PATJ: variants seen among roughly 807,000 people sequenced by gnomAD.
The protein encoded by PATJ is inaD-like protein.
In PATJ, 190 loss-of-function variants were observed where a neutral mutation model predicts 224.9. The observed-to-expected ratio is 0.84, with a 90% confidence interval of 0.75 to 0.95. The LOEUF (loss-of-function observed/expected upper bound fraction) is 0.95. Ranked by LOEUF, PATJ falls within the 40% of genes least tolerant of loss-of-function variation. The probability of loss-of-function intolerance (pLI) is 0.00; values close to 1 mark genes in which losing one functional copy is unlikely to be tolerated. For missense variants in PATJ, 2,121 were observed against 2,270.3 expected (o/e 0.93, Z 1.34); for synonymous variants, 769 against 820.3 (o/e 0.94, Z 1.07).
chr1:61,896,729 G>A (rs565777348), intron 22 of PATJ, among the ~76,000 whole-genome samples: 1 of 152,092 alleles, frequency 6.6e-6, no homozygotes, highest in Non-Finnish European at 1.5e-5. Context: ...ATTGGATCAT[G>A]GGGGAAGTTT....
intron 31 of PATJ, among the ~76,000 whole-genome samples, chr1:62,062,077 A>G (rs1302569988): frequency 1.3e-5 from 2 of 152,186 alleles, no homozygotes; most frequent in South Asian, 2.1e-4. Context: ...TTCTGGTAGA[A>G]TAACTTATTT....
intron 21 of PATJ, among the ~76,000 whole-genome samples, chr1:61,877,882 C>T (rs1182312454): frequency 6.6e-6 from 1 of 152,174 alleles, no homozygotes; most frequent in African/African-American, 2.4e-5. Flanking sequence ...TACCTGATTA[C>T]AGAGGCCCTA....
chr1:61,942,873 A>G (rs1678029022), intron 27 of PATJ, among the ~76,000 whole-genome samples: 2 of 152,160 alleles, frequency 1.3e-5, no homozygotes, highest in African/African-American at 2.4e-5. Context: ...AAGTCTGCAT[A>G]TAGGTTTACT....
chr1:61,882,930 T>C (rs1159380355), intron 21 of PATJ, among the ~76,000 whole-genome samples: 2 of 152,180 alleles, frequency 1.3e-5, no homozygotes, highest in Non-Finnish European at 2.9e-5. Context: ...TAGATAACCA[T>C]GGTGTTGAAT....
chr1:62,019,910 T>C (rs916026706), intron 29 of PATJ, among the ~76,000 whole-genome samples: 1 of 152,058 alleles, frequency 6.6e-6, no homozygotes, highest in Admixed American at 6.6e-5. Flanking sequence ...GGCTTGCACC[T>C]GTAATCCCAC....
chr1:61,887,076 GACAT>G (rs1390825241), intron 22 of PATJ, among the ~76,000 whole-genome samples: 2 of 151,592 alleles, frequency 1.3e-5, no homozygotes, highest in African/African-American at 4.8e-5. Flanking sequence ...ATGTATATAA[GACAT>G]ACAACATTTA....
chr1:62,155,432 T>A (rs1052867573), intron 43 of PATJ, among the ~76,000 whole-genome samples: 1 of 152,094 alleles, frequency 6.6e-6, no homozygotes, highest in South Asian at 2.1e-4. Context: ...CACCAGAACA[T>A]ACAGCTAAGA....
chr1:61,905,091 TC>T (rs34984947), intron 24 of PATJ, among the ~76,000 whole-genome samples: 114,199 of 151,336 alleles, frequency 0.75, 43,325 homozygotes, highest in East Asian at 1. Flanking sequence ...TTTTGTTGAG[TC>T]AGGTGTCTTT....
chr1:62,066,836 G>T (rs1192607605), intron 31 of PATJ, among the ~76,000 whole-genome samples: 1 of 152,152 alleles, frequency 6.6e-6, no homozygotes, highest in East Asian at 1.9e-4. Context: ...GCTGCTGATT[G>T]GTTGGGGGTG....
chr1:61,920,818 T>C (rs1273076560), intron 26 of PATJ, among the ~76,000 whole-genome samples: 4 of 149,516 alleles, frequency 2.7e-5, no homozygotes, highest in Non-Finnish European at 5.9e-5. Flanking sequence ...GTGATTCTCC[T>C]GCTGCAGCCT....
intron 43 of PATJ, among the ~76,000 whole-genome samples, chr1:62,155,753 A>G (rs2149057866): frequency 6.6e-6 from 1 of 151,540 alleles, no homozygotes; most frequent in Admixed American, 6.6e-5. Context: ...TAGCGCAGTC[A>G]GTCTTACTAA....
chr1:61,910,628 C>T (rs1672497503), intron 25 of PATJ, among the ~76,000 whole-genome samples: 1 of 131,956 alleles, frequency 7.6e-6, no homozygotes, highest in African/African-American at 2.8e-5. Flanking sequence ...CTCACTGAAG[C>T]CCCGATCTCC....
intron 20 of PATJ, among the ~76,000 whole-genome samples, chr1:61,867,669 G>A (rs1023166632): frequency 1.3e-5 from 2 of 150,292 alleles, no homozygotes; most frequent in African/African-American, 4.9e-5. Context: ...ATTTCAGCCC[G>A]AATGTTTCTT....
intron 11 of PATJ, 68 bp downstream of exon 11, chr1:61,797,496 G>C (rs1651593258): frequency 2.9e-6 from 4 of 1,356,444 alleles, no homozygotes; most frequent in African/African-American, 1.4e-5. Flanking sequence ...AATTATGGAA[G>C]TTGCTCCATG....
At chr1:61,836,169 A>G (rs1015001106) in intron 17 of PATJ, among the ~76,000 whole-genome samples, 2 of 152,316 alleles carry the variant, frequency 1.3e-5, no homozygotes, top group South Asian at 2.1e-4. Flanking sequence ...AAAAACATCT[A>G]TAGTCAGTTC....
intron 29 of PATJ, among the ~76,000 whole-genome samples, chr1:62,026,010 G>A (rs1311997312): frequency 6.6e-6 from 1 of 152,188 alleles, no homozygotes; most frequent in African/African-American, 2.4e-5. Context: ...GGCCTCCTGT[G>A]TAGAATGTGG....
At chr1:61,805,575 G>C (rs1056665814) in intron 13 of PATJ, 51 bp downstream of exon 13, 7 of 1,082,900 alleles carry the variant, frequency 6.5e-6, no homozygotes, top group Non-Finnish European at 1.0e-5. Context: ...TTCACATCAA[G>C]TTTCTAACAG....
At chr1:61,928,424 T>C (rs6658798) in intron 27 of PATJ, among the ~76,000 whole-genome samples, 3,969 of 152,266 alleles carry the variant, frequency 0.026, 152 homozygotes, top group African/African-American at 0.092. Context: ...GATTAGATAG[T>C]GGTGATGGTT....
intron 27 of PATJ, among the ~76,000 whole-genome samples, chr1:61,983,501 C>T (rs1029335786): frequency 6.6e-6 from 1 of 152,014 alleles, no homozygotes; most frequent in Non-Finnish European, 1.5e-5. Context: ...GAAACTTTTA[C>T]TTCTTTTAAC....
Sources: gnomAD v4.1 joint callset for allele counts (sites outside exome capture counted in the v4.1 genomes callset) on GRCh38, gnomAD v4.1.1 for gene constraint, MANE v1.5 for transcripts, NCBI Gene and HGNC (gene_info 2026-07-23, HGNC 2026-07-21) for gene names.